LPIN3: variants seen among roughly 807,000 people sequenced by gnomAD.
LPIN3 encodes phosphatidate phosphatase LPIN3.
A neutral mutation model predicts 94.7 loss-of-function variants in LPIN3; 82 were observed. That is an observed-to-expected ratio of 0.87 (90% CI 0.72 to 1.04). The LOEUF is 1.04. Ranked by LOEUF, LPIN3 falls within the 50% of genes least tolerant of loss-of-function variation. The pLI, the probability that LPIN3 is intolerant of heterozygous loss-of-function variation, is 0.00. For synonymous variants in LPIN3, 418 were observed against 443.3 expected, an observed-to-expected ratio of 0.94 and a Z score of 0.72; for missense variants, 996 against 1,090.5, an observed-to-expected ratio of 0.91 and a Z score of 1.22.
intron 2 of LPIN3, among the ~76,000 whole-genome samples, chr20:41,346,594 A>G (rs920240053): frequency 2.6e-5 from 4 of 152,166 alleles, no homozygotes; most frequent in Non-Finnish European, 1.5e-5. Context: ...TAGAAAAATT[A>G]GCCGGGTGTG....
chr20:41,351,055 A>G (rs2045989849), intron 7 of LPIN3, among the ~76,000 whole-genome samples: 1 of 151,552 alleles, frequency 6.6e-6, no homozygotes, highest in African/African-American at 2.4e-5. Flanking sequence ...AAGCCTGGGC[A>G]ATGTAGTGAG....
intron 11 of LPIN3, among the ~76,000 whole-genome samples, chr20:41,353,391 G>A (rs980875827): frequency 7.9e-5 from 12 of 152,204 alleles, no homozygotes; most frequent in African/African-American, 2.9e-4. Context: ...TGCTCTCAAA[G>A]GAAGACGAAG....
Position 41,350,313 on chromosome 20 carries a change from C to T in LPIN3, c.1018C>T (p.Pro340Ser), listed in dbSNP as rs1442613460. 2 of 1,611,842 alleles carry T rather than the reference C, an allele frequency of 1.2e-6. No individual in the cohort carries two copies. The highest frequency in any genetic ancestry group is 2.2e-5 in the East Asian group (1 of 44,822). ...TCAGAGCTCTGGGGACATGGGCCTC[C>T]CTCCTGCCTCCAAGTCATGGAGCTG... is the stretch of plus-strand genomic sequence containing the variant. ...KTQSSGDMGL[P>S]PASKSWSWAT... The change falls in exon 7 of 20, where the codon CCT (proline) becomes TCT (serine). Residue 340 changes from proline (P) to serine (S), a missense_variant. Transcript: ENST00000373257.
At chr20:41,352,963 G>A (rs2046081768) in intron 11 of LPIN3, 96 bp downstream of exon 11, 1 of 1,380,506 alleles carries the variant, frequency 7.2e-7, no homozygotes, top group East Asian at 2.3e-5. Context: ...GAGCAGAGAT[G>A]GGCCTGGGAG....
intron 17 of LPIN3, 63 bp downstream of exon 17, chr20:41,358,097 G>A (rs906780572): frequency 1.3e-6 from 2 of 1,571,858 alleles, no homozygotes; most frequent in African/African-American, 2.7e-5. Flanking sequence ...CCCACTGCCA[G>A]GCCAGCCTTA....
At position 41,358,929 on chromosome 20, in the gene LPIN3, T is replaced by C; in HGVS notation, c.*63T>C. 6.3e-7 allele frequency: 1 copy of C among 1,577,816 alleles called. No individual in the cohort carries two copies. The highest frequency in any genetic ancestry group is 8.6e-7 in the Non-Finnish European group (1 of 1,161,838). On this transcript the variant is annotated 3_prime_UTR_variant, in exon 20 of 20. Transcript: ENST00000373257. ...AGGACTGGCTAGGTGTCCTGGGGTA[T>C]AGGAGGGTGGGAATTGGAGTGTCAT... is the stretch of plus-strand genomic sequence containing the variant.
chr20:41,342,535 A>G (rs1227248439), intron 1 of LPIN3, among the ~76,000 whole-genome samples: 2 of 152,166 alleles, frequency 1.3e-5, no homozygotes, highest in Non-Finnish European at 2.9e-5. Context: ...GAGGGGAGCC[A>G]AGCAGAGCTC....
Position 41,359,012 on chromosome 20 carries a change from A to T in LPIN3, c.*146A>T, listed in dbSNP as rs145606473. ...TGCAGGTTGGTTGGCAGCTAGAGAG[A>T]CTCCCCCATCTTCCCCGTCATATTT... On this transcript the variant is annotated 3_prime_UTR_variant, in exon 20 of 20. Transcript: ENST00000373257. 507 of 941,696 alleles carry T rather than the reference A, an allele frequency of 5.4e-4. 5 individuals carry two copies. In the East Asian group the frequency reaches 0.01, roughly 19 times the overall value. The allele number at this position is 941,696 out of a possible 1,614,324, so 58.3% of individuals were successfully genotyped here. A position where few individuals can be genotyped will look rare whatever the true frequency, so the allele number is the denominator to read the frequency against.
At chr20:41,356,899 A>T (rs963596008) in intron 14 of LPIN3, 141 bp from the exon 15 acceptor site, 2 of 1,020,556 alleles carry the variant, frequency 2.0e-6, no homozygotes, top group Non-Finnish European at 2.9e-6. Context: ...GCTATCTCTG[A>T]TGAATCCAAG....
At chr20:41,351,620 G>T (rs2046018017) in intron 7 of LPIN3, among the ~76,000 whole-genome samples, 1 of 152,152 alleles carries the variant, frequency 6.6e-6, no homozygotes. Flanking sequence ...CTGTCACACG[G>T]TGATCACATT....
chr20:41,353,818 C>T (rs1342194997), intron 11 of LPIN3, among the ~76,000 whole-genome samples: 1 of 152,228 alleles, frequency 6.6e-6, no homozygotes, highest in Non-Finnish European at 1.5e-5. Flanking sequence ...ACAGCTGTCA[C>T]TGCCATTGGG....
chr20:41,347,405 G>T, intron 2 of LPIN3, 147 bp from the exon 3 acceptor site: 1 of 688,138 alleles, frequency 1.5e-6, no homozygotes. Context: ...GTGGGGAGCA[G>T]CCAGGCACTT....
chr20:41,345,992 G>A lies in LPIN3; in HGVS notation c.189G>A (p.Lys63=), dbSNP rs752143630. 6.2e-7 allele frequency: 1 copy of A among 1,612,874 alleles called. No individual in the cohort carries two copies. Among genetic ancestry groups the A allele is most frequent in the South Asian group, 1.1e-5 (1 of 90,964 alleles). The stretch of plus-strand genomic sequence containing the variant: ...TGGGCGTCCTGCGGTCGCGGGAGAA[G>A]GTGGTGAGTGCTCAGGCTGGCTGAG... ...GKLGVLRSRE[K]VVDIELNGEP... Residue 63 remains lysine, a synonymous_variant, in exon 2 of 20, where the codon AAG becomes AAA. Coordinates refer to ENST00000373257, the MANE Select transcript of LPIN3 (RefSeq NM_022896.3).
chr20:41,347,460 G>A (rs752281905), intron 2 of LPIN3, 92 bp from the exon 3 acceptor site: 40 of 1,194,360 alleles, frequency 3.3e-5, no homozygotes, highest in Non-Finnish European at 3.8e-5. Flanking sequence ...TGTTTGGGGC[G>A]GCAAGGAGCC....
rs2046345825 is a variant in LPIN3 at position 41,360,416 on chromosome 20, C to A, written c.*1550C>A. On this transcript the variant is annotated 3_prime_UTR_variant, in exon 20 of 20. Coordinates refer to ENST00000373257, the MANE Select transcript of LPIN3 (RefSeq NM_022896.3). ...TGGAAGGAAGAGGACAGTGTGGGCA[C>A]CAGAGGGCCCTGGAAACATCTTAGG... 6.6e-6 allele frequency: 1 copy of A among 152,418 alleles called. No individual in the cohort carries two copies. Among genetic ancestry groups the A allele is most frequent in the Non-Finnish European group, 1.5e-5 (1 of 68,094 alleles). 9.4% of individuals were successfully genotyped at this position (152,418 alleles called of 1,614,324 possible). A position where few individuals can be genotyped will look rare whatever the true frequency, so the allele number is the denominator to read the frequency against.
chr20:41,343,243 A>G (rs182290078), intron 1 of LPIN3, among the ~76,000 whole-genome samples: 1 of 152,122 alleles, frequency 6.6e-6, no homozygotes, highest in Admixed American at 6.5e-5. Context: ...CTCCAGCTGG[A>G]TGGACCTTTG....
In LPIN3 at chr20:41,342,167, G is replaced by A. The variant is rs867261465; in HGVS notation, c.-9+1165G>A. Among the ~76,000 whole-genome samples the A allele has an allele frequency of 2.0e-5, 3 of 152,082 alleles. No homozygotes were observed. In the South Asian group the frequency reaches 6.2e-4, roughly 32 times the overall value. ...ACACAAAGTCATTAGTTACTCACAC[G>A]TGCCTGATGTTATTCCCATTTTGGA... On this transcript the variant is annotated intron_variant, in intron 1 of 19. Transcript: ENST00000373257.
At chr20:41,352,269 G>A in intron 9 of LPIN3, 49 bp downstream of exon 9, 1 of 1,599,968 alleles carries the variant, frequency 6.3e-7, no homozygotes, top group Non-Finnish European at 8.6e-7. Context: ...GCTGAGCCCA[G>A]AGGATGGGGA....
rs769132928 is a variant in LPIN3, at chr20:41,348,680, C to T, written c.350C>T (p.Pro117Leu). 2 of 1,613,938 alleles carry T rather than the reference C, an allele frequency of 1.2e-6. No individual in the cohort carries two copies. Among genetic ancestry groups the T allele is most frequent in the Non-Finnish European group, 1.7e-6 (2 of 1,179,898 alleles). Residue 117 changes from proline (P) to leucine (L), a missense_variant, in exon 4 of 20, where the codon CCC (proline) becomes CTC (leucine). Coordinates refer to ENST00000373257, the MANE Select transcript of LPIN3 (RefSeq NM_022896.3). ...CCTTGGGGGGGTCTGTCTGGCTTCC[C>T]CTCGGACTCCCAGCTGGGCACTGCC... The part of the protein sequence containing the change: ...PIPWGGLSGF[P>L]SDSQLGTASE...
Sources: gnomAD v4.1 joint callset for allele counts (sites outside exome capture counted in the v4.1 genomes callset) on GRCh38, gnomAD v4.1.1 for gene constraint, MANE v1.5 for transcripts, NCBI Gene and HGNC (gene_info 2026-07-23, HGNC 2026-07-21) for gene names.